The following DAAM2 variants were observed in gnomAD, a reference collection of about 807,000 sequenced individuals.
DAAM2 encodes the protein dishevelled associated activator of morphogenesis 2.
A neutral mutation model predicts 120.7 loss-of-function variants in DAAM2; 39 were observed. The observed-to-expected ratio is 0.32, with a 90% CI of 0.25 to 0.42. The LOEUF (loss-of-function observed/expected upper bound fraction) is 0.42, where lower values mean the gene tolerates loss of function less well. Ranked by LOEUF, DAAM2 falls within the 10% of genes least tolerant of loss-of-function variation. The pLI is 1.00. For synonymous variants in DAAM2, 488 were observed against 524.9 expected (o/e 0.93, Z 0.96); for missense variants, 1,283 against 1,401.7 (o/e 0.92, Z 1.35).
At chr6:39,823,777 G>A (rs929435716) in intron 1 of DAAM2, among the ~76,000 whole-genome samples, 5 of 152,284 alleles carry the variant, frequency 3.3e-5, no homozygotes, top group Admixed American at 2.0e-4. Context: ...TTGGCCCTTA[G>A]ATGGGGCTGG....
Position 39,891,684 on chromosome 6 carries a change from TC to T in DAAM2, c.2305del (p.Gln769ArgfsTer31). ...RLQALFFKKK[F>X]QERLAEAKPK... ...CAAGCCCTCTTCTTCAAGAAGAAAT[TC>T]CAGGAGCGGCTGGCTGAGGCAAAGC... On this transcript the variant is annotated frameshift_variant, in exon 19 of 25. Transcript: ENST00000274867. LOFTEE classifies it high-confidence loss of function. The T allele has an allele frequency of 6.2e-7, 1 of 1,609,746 alleles. No homozygotes were observed. The highest frequency in any genetic ancestry group is 1.1e-5 in the South Asian group (1 of 89,972).
intron 7 of DAAM2, 148 bp from the exon 8 acceptor site, chr6:39,870,192 G>C: frequency 1.6e-6 from 1 of 617,544 alleles, no homozygotes; most frequent in Non-Finnish European, 2.9e-6. Flanking sequence ...ATTCTTTCTT[G>C]GAACTCTGGG....
At chr6:39,859,586 GT>G (rs1333545172) in intron 2 of DAAM2, among the ~76,000 whole-genome samples, 1 of 152,164 alleles carries the variant, frequency 6.6e-6, no homozygotes, top group Non-Finnish European at 1.5e-5. Context: ...GAGATGAACT[GT>G]AACTGTAAAA....
At chr6:39,893,333 G>A (rs1018784511) in intron 19 of DAAM2, among the ~76,000 whole-genome samples, 4 of 152,108 alleles carry the variant, frequency 2.6e-5, no homozygotes, top group Non-Finnish European at 4.4e-5. Flanking sequence ...TGGCTAACAC[G>A]GTGAAACCTC....
chr6:39,811,335 C>T (rs181033977), intron 1 of DAAM2, among the ~76,000 whole-genome samples: 51 of 152,202 alleles, frequency 3.4e-4, no homozygotes, highest in African/African-American at 1.1e-3. Flanking sequence ...TCTCTGCCTC[C>T]GCCATTGCAA....
intron 19 of DAAM2, among the ~76,000 whole-genome samples, chr6:39,893,957 G>C (rs1253368393): frequency 6.6e-6 from 1 of 152,104 alleles, no homozygotes; most frequent in African/African-American, 2.4e-5. Context: ...TTTGCCAAAA[G>C]CTAGTTCACC....
At chr6:39,828,568 G>C (rs141121860) in intron 1 of DAAM2, among the ~76,000 whole-genome samples, 1 of 106,868 alleles carries the variant, frequency 9.4e-6, no homozygotes, top group South Asian at 3.5e-4. Flanking sequence ...ACCCCCCTCC[G>C]TCTTTTTTTT....
At chr6:39,891,498 G>T in intron 18 of DAAM2, 51 bp downstream of exon 18, 1 of 1,517,380 alleles carries the variant, frequency 6.6e-7, no homozygotes, top group South Asian at 1.2e-5. Flanking sequence ...TCTGGCAGGT[G>T]GGGCAGGTGG....
At chr6:39,856,914 G>A (rs1026231008) in intron 2 of DAAM2, among the ~76,000 whole-genome samples, 5 of 152,200 alleles carry the variant, frequency 3.3e-5, no homozygotes, top group African/African-American at 1.2e-4. Flanking sequence ...GGGCACCTCG[G>A]AACAGGGGAT....
intron 1 of DAAM2, among the ~76,000 whole-genome samples, chr6:39,841,790 A>T (rs1255899829): frequency 6.6e-6 from 1 of 152,088 alleles, no homozygotes; most frequent in Non-Finnish European, 1.5e-5. Context: ...GGGCTTGAGG[A>T]TTGGCCTGTG....
At chr6:39,883,932 A>C (rs766003052) in intron 14 of DAAM2, 30 bp from the exon 15 acceptor site, 17 of 1,512,858 alleles carry the variant, frequency 1.1e-5, no homozygotes, top group Non-Finnish European at 1.5e-5. Context: ...TGGGCCAACC[A>C]TGGGATCTTC....
intron 1 of DAAM2, chr6:39,822,029 C>G (rs1347691989): frequency 1.3e-5 from 2 of 152,438 alleles, no homozygotes; most frequent in Non-Finnish European, 2.9e-5. Context: ...GCAGGTCTGC[C>G]AAGGGCAGGG....
intron 1 of DAAM2, among the ~76,000 whole-genome samples, chr6:39,852,956 T>TAGA (rs1314758696): frequency 6.6e-6 from 1 of 152,200 alleles, no homozygotes; most frequent in East Asian, 1.9e-4. Context: ...TCCTGCTCTC[T>TAGA]AGAGGGATTT....
At chr6:39,846,274 T>C (rs552102378) in intron 1 of DAAM2, among the ~76,000 whole-genome samples, 28 of 152,216 alleles carry the variant, frequency 1.8e-4, no homozygotes, top group African/African-American at 6.5e-4. Flanking sequence ...GTTGGATGAA[T>C]AAATGAGCAA....
chr6:39,796,839 C>A (rs1761718136), intron 1 of DAAM2, among the ~76,000 whole-genome samples: 1 of 151,628 alleles, frequency 6.6e-6, no homozygotes, highest in Non-Finnish European at 1.5e-5. Context: ...TAAATGAGAA[C>A]AATAACTATT....
chr6:39,829,982 C>T (rs541914258), intron 1 of DAAM2, among the ~76,000 whole-genome samples: 3 of 152,178 alleles, frequency 2.0e-5, no homozygotes, highest in Admixed American at 6.5e-5. Flanking sequence ...GTTAGAGACC[C>T]TTCATCCATA....
chr6:39,839,019 A>G (rs1344260683), intron 1 of DAAM2, among the ~76,000 whole-genome samples: 1 of 152,050 alleles, frequency 6.6e-6, no homozygotes, highest in Non-Finnish European at 1.5e-5. Flanking sequence ...TGCTCACCCT[A>G]GTGGTCCCCC....
intron 1 of DAAM2, among the ~76,000 whole-genome samples, chr6:39,843,581 G>A (rs1763438673): frequency 2.6e-5 from 4 of 152,200 alleles, no homozygotes; most frequent in Admixed American, 2.6e-4. Context: ...AGCACAAAAT[G>A]AAAATGCAGG....
intron 1 of DAAM2, among the ~76,000 whole-genome samples, chr6:39,806,252 C>T (rs1407905644): frequency 1.3e-5 from 2 of 152,176 alleles, no homozygotes; most frequent in Non-Finnish European, 2.9e-5. Flanking sequence ...GCCTCTTTCT[C>T]ATTTAAGAGT....
Sources: allele counts gnomAD v4.1 joint callset (sites outside exome capture counted in the v4.1 genomes callset), GRCh38; gene constraint gnomAD v4.1.1; transcripts MANE v1.5; gene names NCBI Gene and HGNC (gene_info 2026-07-23, HGNC 2026-07-21).